PCDHA5: variants seen among roughly 807,000 people sequenced by gnomAD.
PCDHA5 encodes the protein protocadherin alpha 5.
In PCDHA5, 43 loss-of-function variants were observed where a neutral mutation model predicts 61.6. The ratio of observed to expected loss-of-function variants is 0.70; its 90% CI spans 0.55 to 0.90. The LOEUF is 0.90. Among genes scored for constraint, PCDHA5 ranks in the 40% least tolerant of loss-of-function variants. The probability of loss-of-function intolerance (pLI) is 0.00; values close to 1 mark genes in which losing one functional copy is unlikely to be tolerated. For synonymous variants in PCDHA5, 627 were observed against 543.9 expected (o/e 1.15, Z -2.13); for missense variants, 1,298 against 1,222.7 (o/e 1.06, Z -0.92).
chr5:140,834,546 G>A, intron 1 of PCDHA5: 1 of 1,614,062 alleles, frequency 6.2e-7, no homozygotes, highest in Non-Finnish European at 8.5e-7. Context: ...CCTGGGGCTG[G>A]AGCTGGCGGA....
rs2150114908 is a variant in PCDHA5 at position 140,822,257 on chromosome 5, T to C, written c.482T>C (p.Ile161Thr). 4.3e-6 allele frequency: 7 copies of C among 1,614,128 alleles called. No individual in the cohort carries two copies. Among genetic ancestry groups the C allele is most frequent in the Non-Finnish European group, 1.7e-6 (2 of 1,180,060 alleles). The change falls in exon 1 of 4, where the codon ATT becomes ACT. Residue 161 changes from isoleucine to threonine, a missense_variant. By Grantham distance (89) the Ile-to-Thr change is moderately conservative. Transcript: ENST00000529859. ...CTAGAGGGCGCGTCGGATTTGGATA[T>C]TGGAGCAAATGCACAATTGAGATAC... ...FPLEGASDLDIGANAQLRYRL... is the reference protein window; with the variant it reads ...FPLEGASDLDTGANAQLRYRL...
rs2150435821 is a variant in PCDHA5 at position 140,849,360 on chromosome 5, A to G, written c.2352+25233A>G. ...CTTCTCCAGTGATGTTTCTCCAGAT[A>G]TAAAATCCAAGTTCCACATGGACCC... On this transcript the variant is annotated intron_variant, in intron 1 of 3. Transcript: ENST00000529859. The G allele has an allele frequency of 6.8e-6, 10 of 1,467,526 alleles. No homozygotes were observed. In the African/African-American group the frequency reaches 1.1e-4, roughly 16 times the overall value. The allele number at this position is 1,467,526 out of a possible 1,614,324, so 90.9% of individuals were successfully genotyped here. A position where few individuals can be genotyped will look rare whatever the true frequency, so the allele number is the denominator to read the frequency against.
chr5:140,838,268 C>G (rs1775630088), intron 1 of PCDHA5, among the ~76,000 whole-genome samples: 1 of 138,020 alleles, frequency 7.2e-6, no homozygotes, highest in African/African-American at 2.8e-5. Flanking sequence ...CGCCAACAAC[C>G]AAGCCATGCT....
intron 1 of PCDHA5, among the ~76,000 whole-genome samples, chr5:140,899,599 C>G (rs535938234): frequency 2.0e-5 from 3 of 152,232 alleles, no homozygotes; most frequent in South Asian, 4.2e-4. Context: ...TTATTGAGGA[C>G]TTTTGCATCA....
chr5:140,935,447 A>G (rs542363713), intron 1 of PCDHA5, among the ~76,000 whole-genome samples: 1 of 152,364 alleles, frequency 6.6e-6, no homozygotes, highest in South Asian at 2.1e-4. Flanking sequence ...AAATAATATG[A>G]TACTGTAGCA....
chr5:140,927,822 T>A (rs1554205109), intron 1 of PCDHA5: 1 of 1,614,152 alleles, frequency 6.2e-7, no homozygotes, highest in Admixed American at 1.7e-5. Context: ...AGGCATACAT[T>A]GAGGCGAGGG....
chr5:140,953,536 A>G (rs2094900021), intron 1 of PCDHA5, among the ~76,000 whole-genome samples: 1 of 152,124 alleles, frequency 6.6e-6, no homozygotes, highest in Non-Finnish European at 1.5e-5. Flanking sequence ...AACTCACTTC[A>G]TGCTGATTCT....
chr5:140,899,936 T>A (rs1443562291), intron 1 of PCDHA5, among the ~76,000 whole-genome samples: 1 of 152,064 alleles, frequency 6.6e-6, no homozygotes, highest in Non-Finnish European at 1.5e-5. Context: ...GCCTCCTGAA[T>A]AGCTGGGACC....
intron 1 of PCDHA5, among the ~76,000 whole-genome samples, chr5:140,917,662 C>T (rs1554198266): frequency 6.6e-6 from 1 of 152,118 alleles, no homozygotes; most frequent in Admixed American, 6.6e-5. Flanking sequence ...AGTAGGAAGT[C>T]CTTTCTCCAT....
At chr5:140,901,644 G>A (rs1223864756) in intron 1 of PCDHA5, among the ~76,000 whole-genome samples, 1 of 152,024 alleles carries the variant, frequency 6.6e-6, no homozygotes, top group Non-Finnish European at 1.5e-5. Context: ...GATTCTTCCG[G>A]TTTTGTTCTT....
At chr5:140,902,668 G>C (rs1385644848) in intron 1 of PCDHA5, among the ~76,000 whole-genome samples, 3 of 152,126 alleles carry the variant, frequency 2.0e-5, no homozygotes, top group African/African-American at 7.2e-5. Context: ...CACCCAAGCA[G>C]TGTACACCGT....
At chr5:140,839,997 G>A (rs2150302530) in intron 1 of PCDHA5, among the ~76,000 whole-genome samples, 10 of 152,064 alleles carry the variant, frequency 6.6e-5, no homozygotes, top group Non-Finnish European at 1.5e-4. Context: ...GTTAGCCTTA[G>A]CACTGAGAAG....
chr5:140,901,557 A>G (rs782333756), intron 1 of PCDHA5, among the ~76,000 whole-genome samples: 4 of 152,034 alleles, frequency 2.6e-5, no homozygotes, highest in Non-Finnish European at 5.9e-5. Context: ...CCATTCATCT[A>G]TGTGTCTGTT....
At chr5:140,832,832 C>G (rs2150204585) in intron 1 of PCDHA5, among the ~76,000 whole-genome samples, 3 of 152,178 alleles carry the variant, frequency 2.0e-5, no homozygotes, top group Admixed American at 1.3e-4. Flanking sequence ...GCCTTTTTCC[C>G]TTGTTGAAGG....
intron 1 of PCDHA5, among the ~76,000 whole-genome samples, chr5:140,955,118 G>C (rs2095139401): frequency 6.6e-6 from 1 of 152,058 alleles, no homozygotes; most frequent in African/African-American, 2.4e-5. Flanking sequence ...TCTCTATTCT[G>C]TTCCACTGGT....
chr5:140,857,015 G>A, intron 1 of PCDHA5: 2 of 1,596,400 alleles, frequency 1.3e-6, no homozygotes, highest in Non-Finnish European at 1.7e-6. Context: ...AGATGTTACA[G>A]ATAAGGGAAA....
At chr5:140,998,645 A>T (rs1020510258) in intron 3 of PCDHA5, among the ~76,000 whole-genome samples, 12 of 151,600 alleles carry the variant, frequency 7.9e-5, no homozygotes, top group Non-Finnish European at 1.6e-4. Context: ...GCTCACTGCA[A>T]CCTCTGCCTC....
intron 1 of PCDHA5, among the ~76,000 whole-genome samples, chr5:140,947,079 C>T (rs2094082344): frequency 6.6e-6 from 1 of 151,398 alleles, no homozygotes; most frequent in Non-Finnish European, 1.5e-5. Context: ...TGTATTGAAA[C>T]ATCAGACTGT....
rs2150530845 is a variant in PCDHA5, at chr5:140,853,328, T to C, written c.2352+29201T>C. 4.5e-5 allele frequency: 44 copies of C among 984,766 alleles called. 1 individual carries two copies. The highest frequency in any genetic ancestry group is 5.0e-5 in the Non-Finnish European group (41 of 817,224). The allele number at this position is 984,766 out of a possible 1,614,324, so 61.0% of individuals were successfully genotyped here. On this transcript the variant is annotated intron_variant, in intron 1 of 3. Coordinates refer to ENST00000529859, the MANE Select transcript of PCDHA5 (RefSeq NM_018908.3). ...AACACCTTAGTAATAAATTTATCTT[T>C]TGAGGTCATTAGCAAACATGAACTC...
Sources: gnomAD v4.1 joint callset for allele counts (sites outside exome capture counted in the v4.1 genomes callset) on GRCh38, gnomAD v4.1.1 for gene constraint, MANE v1.5 for transcripts, NCBI Gene and HGNC (gene_info 2026-07-23, HGNC 2026-07-21) for gene names.